The following ASCC3 variants were observed in gnomAD, a reference collection of about 807,000 sequenced individuals.
ASCC3 encodes activating signal cointegrator 1 complex subunit 3.
In ASCC3, 158 loss-of-function variants were observed where a neutral mutation model predicts 256.3. The ratio of observed to expected loss-of-function variants is 0.62; its 90% CI spans 0.54 to 0.70. The LOEUF (loss-of-function observed/expected upper bound fraction) is 0.70. Ranked by LOEUF, ASCC3 falls within the 30% of genes least tolerant of loss-of-function variation. ASCC3 has a pLI of 0.00. For missense variants in ASCC3, 2,259 were observed against 2,626.0 expected, an observed-to-expected ratio of 0.86 and a Z score of 3.05; for synonymous variants, 948 against 883.4, an observed-to-expected ratio of 1.07 and a Z score of -1.30.
At position 100,785,529 on chromosome 6, in the gene ASCC3, G is replaced by T. The variant is rs897255820; in HGVS notation, c.1395+13184C>A. 2.6e-5 allele frequency among the ~76,000 whole-genome samples: 4 copies of T among 152,112 alleles called. 1 individual carries two copies. The East Asian group carries it at 7.7e-4, about 29-fold the overall frequency. On this transcript the variant is annotated intron_variant, in intron 8 of 41. Coordinates refer to ENST00000369162, the MANE Select transcript of ASCC3 (RefSeq NM_006828.4). ...TGAACCTCCCACATAAGCCTCCAGA[G>T]TACCTAGGACTACAGGCATGCAGTA...
intron 13 of ASCC3, among the ~76,000 whole-genome samples, chr6:100,699,932 A>T (rs896692783): frequency 6.6e-6 from 1 of 152,236 alleles, no homozygotes; most frequent in Non-Finnish European, 1.5e-5. Flanking sequence ...AAAAGCATTC[A>T]GTTTTAAAAG....
intron 39 of ASCC3, among the ~76,000 whole-genome samples, chr6:100,513,234 G>T (rs1266758234): frequency 6.6e-6 from 1 of 152,126 alleles, no homozygotes; most frequent in Non-Finnish European, 1.5e-5. Flanking sequence ...TAAGAATATT[G>T]TGCTTTTAGT....
chr6:100,665,970 T>G (rs754537752), intron 14 of ASCC3, among the ~76,000 whole-genome samples: 1 of 152,132 alleles, frequency 6.6e-6, no homozygotes, highest in Non-Finnish European at 1.5e-5. Flanking sequence ...TATTTCTTTA[T>G]AGTTAAACTC....
At chr6:100,583,798 G>T (rs150905746) in intron 36 of ASCC3, among the ~76,000 whole-genome samples, 1 of 151,966 alleles carries the variant, frequency 6.6e-6, no homozygotes, top group Non-Finnish European at 1.5e-5. Context: ...CTTTGTTCTC[G>T]TTGGTTTCAA....
At chr6:100,846,925 T>G (rs1772412627) in intron 4 of ASCC3, among the ~76,000 whole-genome samples, 1 of 152,186 alleles carries the variant, frequency 6.6e-6, no homozygotes, top group African/African-American at 2.4e-5. Context: ...GAGAACAAGT[T>G]TGCTATCTTA....
chr6:100,771,584 T>A (rs1486391756), intron 8 of ASCC3, among the ~76,000 whole-genome samples: 2 of 152,006 alleles, frequency 1.3e-5, no homozygotes, highest in Non-Finnish European at 2.9e-5. Context: ...CAATTTAATC[T>A]TAAGAGTATG....
chr6:100,847,821 A>G (rs1385093958), intron 4 of ASCC3, among the ~76,000 whole-genome samples: 1 of 152,186 alleles, frequency 6.6e-6, no homozygotes, highest in Non-Finnish European at 1.5e-5. Flanking sequence ...ATCCCTCTTA[A>G]TCTTTCATGA....
chr6:100,876,216 G>C (rs977748322), intron 1 of ASCC3, among the ~76,000 whole-genome samples: 9 of 152,092 alleles, frequency 5.9e-5, no homozygotes, highest in African/African-American at 1.7e-4. Flanking sequence ...GGTGAATGAG[G>C]AGAGAAAAAC....
intron 16 of ASCC3, among the ~76,000 whole-genome samples, chr6:100,659,690 C>T (rs1256176460): frequency 6.6e-6 from 1 of 151,386 alleles, no homozygotes; most frequent in Non-Finnish European, 1.5e-5. Flanking sequence ...AAGAAAAAAG[C>T]AGTATTTTAC....
chr6:100,633,080 C>G (rs1309278754), intron 25 of ASCC3, among the ~76,000 whole-genome samples: 3 of 152,180 alleles, frequency 2.0e-5, no homozygotes, highest in Non-Finnish European at 4.4e-5. Context: ...TACACTAGTT[C>G]TGTCTTAATG....
At chr6:100,560,748 AACAC>A (rs747539213) in intron 36 of ASCC3, among the ~76,000 whole-genome samples, 5,976 of 133,804 alleles carry the variant, frequency 0.045, 171 homozygotes, top group East Asian at 0.11. Flanking sequence ...ATCTTAGAGG[AACAC>A]ACACACACAC....
chr6:100,735,099 A>G (rs1445006011), intron 10 of ASCC3, among the ~76,000 whole-genome samples: 2 of 152,184 alleles, frequency 1.3e-5, no homozygotes, highest in African/African-American at 2.4e-5. Context: ...TTTTAATGAC[A>G]TATAATTCTC....
chr6:100,713,385 G>A (rs2115017848), intron 13 of ASCC3, among the ~76,000 whole-genome samples: 1 of 152,262 alleles, frequency 6.6e-6, no homozygotes, highest in South Asian at 2.1e-4. Flanking sequence ...ACTATGGAGA[G>A]AGTAAAAAGA....
intron 13 of ASCC3, among the ~76,000 whole-genome samples, chr6:100,689,303 C>A (rs564612996): frequency 6.6e-6 from 1 of 152,174 alleles, no homozygotes; most frequent in Non-Finnish European, 1.5e-5. Context: ...GTACAATACA[C>A]GTTATCTTAC....
chr6:100,568,984 T>G (rs1365807318), intron 36 of ASCC3, among the ~76,000 whole-genome samples: 1 of 151,914 alleles, frequency 6.6e-6, no homozygotes, highest in Admixed American at 6.6e-5. Flanking sequence ...TTTCACCACA[T>G]TAGCCAGGAT....
chr6:100,760,778 C>G (rs1781386459), intron 10 of ASCC3, among the ~76,000 whole-genome samples: 1 of 152,098 alleles, frequency 6.6e-6, no homozygotes, highest in Non-Finnish European at 1.5e-5. Flanking sequence ...ATCATCCAGA[C>G]AGAACAGCAG....
chr6:100,591,918 C>T (rs115322703), intron 34 of ASCC3, among the ~76,000 whole-genome samples: 2,313 of 151,680 alleles, frequency 0.015, 45 homozygotes, highest in African/African-American at 0.053. Context: ...AAAAACTTTC[C>T]TTGAAAAAAT....
At chr6:100,823,028 A>T (rs918873152) in intron 4 of ASCC3, among the ~76,000 whole-genome samples, 4 of 152,212 alleles carry the variant, frequency 2.6e-5, no homozygotes, top group African/African-American at 9.6e-5. Context: ...ATTATTTTTT[A>T]AAAATAACAC....
intron 13 of ASCC3, among the ~76,000 whole-genome samples, chr6:100,690,747 C>A (rs1777803724): frequency 6.6e-6 from 1 of 152,024 alleles, no homozygotes; most frequent in African/African-American, 2.4e-5. Context: ...GTAAATAAGC[C>A]AAGGAAAGTA....
Sources: gnomAD v4.1 joint callset for allele counts (sites outside exome capture counted in the v4.1 genomes callset) on GRCh38, gnomAD v4.1.1 for gene constraint, MANE v1.5 for transcripts, NCBI Gene and HGNC (gene_info 2026-07-23, HGNC 2026-07-21) for gene names.